Variants in SMIM36 observed in about 807,000 individuals in gnomAD.
The protein encoded by SMIM36 is small integral membrane protein 36.
chr17:55,522,664 A>G, the SMIM36 span, among the ~76,000 whole-genome samples: 3 of 152,168 alleles, frequency 2.0e-5, no homozygotes, highest in Non-Finnish European at 4.4e-5. Context: ...GATTATTACA[A>G]TTTGAGGTGA....
At chr17:55,522,876 C>G in the SMIM36 span, among the ~76,000 whole-genome samples, 1 of 152,260 alleles carries the variant, frequency 6.6e-6, no homozygotes, top group East Asian at 1.9e-4. Flanking sequence ...CATTGTATCC[C>G]TGTACACGGG....
rs913847761 is a variant in SMIM36 at position 55,499,043 on chromosome 17, A to G, written c.*174+11836T>C. Among the ~76,000 whole-genome samples the G allele has an allele frequency of 2.0e-5, 3 of 151,466 alleles. No homozygotes were observed. The East Asian group carries it at 5.8e-4, about 29-fold the overall frequency. ...AAGCAAAAACAAACAAACAAAAAAC[A>G]CAAAATAGTAAACAGCAGATAGTGA... On this transcript the variant is annotated intron_variant, in intron 1 of 4. Transcript: ENST00000636752.
intron 1 of SMIM36, among the ~76,000 whole-genome samples, chr17:55,500,846 TTATATTATAA>T (rs1465420322): frequency 4.3e-4 from 7 of 16,426 alleles, no homozygotes; most frequent in Non-Finnish European, 6.1e-4. Flanking sequence ...TTATAATATA[TTATATTATAA>T]TATATTATAA....
chr17:55,484,325 CA>C (rs1246569025), intron 1 of SMIM36, among the ~76,000 whole-genome samples: 3 of 152,180 alleles, frequency 2.0e-5, no homozygotes, highest in South Asian at 2.1e-4. Context: ...AAGTTCTTTA[CA>C]AAAAAATTCT....
chr17:55,469,073 C>A (rs891717564), intron 3 of SMIM36, among the ~76,000 whole-genome samples: 2 of 152,034 alleles, frequency 1.3e-5, no homozygotes, highest in Non-Finnish European at 2.9e-5. Context: ...AGTCTCCACC[C>A]CAAGTTCTGA....
rs55879501 is a variant in SMIM36, at chr17:55,508,431, AATATATATATATATATATATAT to A, written c.*174+2426_*174+2447del. ...CATATTTTATATATATATTCCTAGG[AATATATATATATATATATATAT>A]ATATATATATATATATGAACCTGCC... On this transcript the variant is annotated intron_variant, in intron 1 of 4. Coordinates refer to ENST00000636752, the Ensembl canonical transcript of SMIM36. Among the ~76,000 whole-genome samples, 49 of 114,314 alleles carry A rather than the reference AATATATATATATATATATATAT, an allele frequency of 4.3e-4. 4 individuals are homozygous for A. The highest frequency in any genetic ancestry group is 1.6e-3 in the African/African-American group (46 of 28,376). The allele number at this position is 114,314 out of a possible 152,430, so 75.0% of individuals were successfully genotyped here.
At chr17:55,453,117 C>G (rs765879244) in intron 4 of SMIM36, among the ~76,000 whole-genome samples, 3 of 152,020 alleles carry the variant, frequency 2.0e-5, no homozygotes, top group Non-Finnish European at 4.4e-5. Flanking sequence ...CAAGGCCAGC[C>G]TGGACAACAT....
At chr17:55,532,146 C>T in the SMIM36 span, among the ~76,000 whole-genome samples, 1 of 152,316 alleles carries the variant, frequency 6.6e-6, no homozygotes, top group Non-Finnish European at 1.5e-5. Flanking sequence ...CTTTCTTTCT[C>T]TCTTTTACTG....
chr17:55,474,032 A>G (rs12937392), intron 3 of SMIM36, among the ~76,000 whole-genome samples: 76,138 of 151,334 alleles, frequency 0.5, 19,459 homozygotes, highest in South Asian at 0.57. Flanking sequence ...CCCCAGTCAC[A>G]TATCCCCTGC....
At chr17:55,493,826 A>G (rs1465313771) in intron 1 of SMIM36, among the ~76,000 whole-genome samples, 2 of 149,980 alleles carry the variant, frequency 1.3e-5, no homozygotes, top group South Asian at 2.1e-4. Context: ...AAAAAAAAAA[A>G]AAAAAAAAGC....
intron 1 of SMIM36, among the ~76,000 whole-genome samples, chr17:55,496,065 A>C (rs1413482572): frequency 1.3e-5 from 2 of 152,292 alleles, no homozygotes; most frequent in East Asian, 3.9e-4. Flanking sequence ...CCCGAGTGGC[A>C]AACAACTTTT....
chr17:55,485,452 AT>A (rs371128057), intron 1 of SMIM36, among the ~76,000 whole-genome samples: 88 of 144,294 alleles, frequency 6.1e-4, no homozygotes, highest in East Asian at 1.6e-3. Flanking sequence ...TACCCTGCTG[AT>A]TTTTTTTTTT....
In SMIM36 at chr17:55,463,858, G is replaced by C. The variant is rs150375568; in HGVS notation, c.*531+3287C>G. Among the ~76,000 whole-genome samples the C allele has an allele frequency of 1.0e-3, 154 of 152,184 alleles. 1 individual carries two copies. The highest frequency in any genetic ancestry group is 3.7e-3 in the African/African-American group (152 of 41,532). ...AGAGGATGTTGAAGGCCGGGCACCT[G>C]TAATCTCAGCACTTTGGGAGGCTAA... On this transcript the variant is annotated intron_variant, in intron 4 of 4. Transcript: ENST00000636752.
At position 55,500,926 on chromosome 17, in the gene SMIM36, T is replaced by A. The variant is rs1268661148; in HGVS notation, c.*174+9953A>T. Among the ~76,000 whole-genome samples the A allele has an allele frequency of 2.6e-4, 6 of 22,940 alleles. 2 individuals carry two copies. In the Admixed American group the frequency reaches 2.6e-3, roughly 10 times the overall value. The allele number at this position is 22,940 out of a possible 152,430, so 15.0% of individuals were successfully genotyped here. ...TATATTATAATATATTATAATATAT[T>A]ATATTTTATAATATATATTATAATA... On this transcript the variant is annotated intron_variant, in intron 1 of 4. Transcript: ENST00000636752.
intron 4 of SMIM36, among the ~76,000 whole-genome samples, chr17:55,453,636 G>A (rs1226508323): frequency 6.6e-6 from 1 of 152,102 alleles, no homozygotes; most frequent in East Asian, 1.9e-4. Context: ...TTGAACACAC[G>A]CTAATAACTA....
At chr17:55,471,734 T>C (rs1308758480) in intron 3 of SMIM36, among the ~76,000 whole-genome samples, 2 of 152,188 alleles carry the variant, frequency 1.3e-5, no homozygotes, top group Admixed American at 1.3e-4. Flanking sequence ...CCATCCTTTT[T>C]CCTTACCACA....
chr17:55,489,249 A>C (rs542908542), intron 1 of SMIM36, among the ~76,000 whole-genome samples: 1 of 152,142 alleles, frequency 6.6e-6, no homozygotes, highest in South Asian at 2.1e-4. Flanking sequence ...GTGGTGGTGC[A>C]TGCCTGTAAT....
chr17:55,495,355 G>T (rs1909790191), intron 1 of SMIM36, among the ~76,000 whole-genome samples: 1 of 152,186 alleles, frequency 6.6e-6, no homozygotes, highest in East Asian at 1.9e-4. Context: ...ATGGCTGATG[G>T]TGATTCACCA....
the SMIM36 span, among the ~76,000 whole-genome samples, chr17:55,530,600 G>A: frequency 6.6e-6 from 1 of 152,074 alleles, no homozygotes; most frequent in African/African-American, 2.4e-5. Context: ...CTGGCCAGCA[G>A]AGTGAAACCC....
Sources: allele counts gnomAD v4.1 joint callset (sites outside exome capture counted in the v4.1 genomes callset), GRCh38; gene constraint gnomAD v4.1.1; transcripts MANE v1.5; gene names NCBI Gene and HGNC (gene_info 2026-07-23, HGNC 2026-07-21).